The following FGD4 variants were observed in gnomAD, a reference collection of about 807,000 sequenced individuals.
FGD4 encodes FYVE, RhoGEF and PH domain containing 4, also known as FYVE, RhoGEF and PH domain-containing protein 4.
In FGD4, 42 loss-of-function variants were observed where a neutral mutation model predicts 102.0. That is an observed-to-expected ratio of 0.41 (90% CI 0.32 to 0.53). The LOEUF (loss-of-function observed/expected upper bound fraction) is 0.53, where lower values mean the gene tolerates loss of function less well. Ranked by LOEUF, FGD4 falls within the 20% of genes least tolerant of loss-of-function variation. FGD4 has a pLI of 0.21. For synonymous variants in FGD4, 380 were observed against 375.7 expected, an observed-to-expected ratio of 1.01 and a Z score of -0.13; for missense variants, 902 against 1,078.2, an observed-to-expected ratio of 0.84 and a Z score of 2.29.
intron 15 of FGD4, among the ~76,000 whole-genome samples, chr12:32,636,618 G>A (rs7966020): frequency 0.49 from 74,495 of 151,452 alleles, 18,998 homozygotes; most frequent in Middle Eastern, 0.63. Flanking sequence ...AAAATACACT[G>A]TAATGCACTT....
At chr12:32,492,783 A>AT (rs200878678) in intron 1 of FGD4, among the ~76,000 whole-genome samples, 81 of 151,174 alleles carry the variant, frequency 5.4e-4, no homozygotes, top group African/African-American at 1.1e-3. Context: ...TATTTCTCTT[A>AT]TTTTTTTTTG....
intron 1 of FGD4, among the ~76,000 whole-genome samples, chr12:32,529,101 G>A (rs973366356): frequency 1.3e-5 from 2 of 152,130 alleles, no homozygotes; most frequent in Non-Finnish European, 2.9e-5. Context: ...CCTCGGAGAC[G>A]TGCAAAATGG....
chr12:32,629,497 T>A (rs894481470), intron 14 of FGD4, among the ~76,000 whole-genome samples: 1 of 152,226 alleles, frequency 6.6e-6, no homozygotes, highest in African/African-American at 2.4e-5. Flanking sequence ...AATTCAGAAA[T>A]GGACTCATAG....
chr12:32,549,443 C>T (rs550888448), intron 1 of FGD4, among the ~76,000 whole-genome samples: 4 of 152,054 alleles, frequency 2.6e-5, no homozygotes, highest in African/African-American at 4.8e-5. Flanking sequence ...TCCTTCCATC[C>T]GAATCACTTG....
chr12:32,601,599 C>T (rs902427149), intron 6 of FGD4, among the ~76,000 whole-genome samples, 176 bp downstream of exon 6: 1 of 152,228 alleles, frequency 6.6e-6, no homozygotes, highest in Non-Finnish European at 1.5e-5. Flanking sequence ...GCTCTCCAAA[C>T]TATCATTTAG....
intron 15 of FGD4, 136 bp downstream of exon 15, chr12:32,633,825 A>G: frequency 2.6e-6 from 2 of 767,006 alleles, no homozygotes; most frequent in Non-Finnish European, 4.0e-6. Context: ...CTGGAATTAC[A>G]GGCCCACGCC....
intron 1 of FGD4, among the ~76,000 whole-genome samples, chr12:32,518,491 CA>C (rs1366912583): frequency 6.6e-6 from 1 of 152,114 alleles, no homozygotes; most frequent in Non-Finnish European, 1.5e-5. Flanking sequence ...AAAACAACAA[CA>C]AAAAACCAGC....
chr12:32,456,906 T>C (rs886489696), intron 1 of FGD4, among the ~76,000 whole-genome samples: 1 of 152,190 alleles, frequency 6.6e-6, no homozygotes, highest in African/African-American at 2.4e-5. Flanking sequence ...AGGTCTTCAG[T>C]CAGCTAATGA....
At chr12:32,417,367 G>T (rs576538324) in intron 1 of FGD4, among the ~76,000 whole-genome samples, 1 of 151,162 alleles carries the variant, frequency 6.6e-6, no homozygotes, top group African/African-American at 2.4e-5. Flanking sequence ...TTTTTCTTCC[G>T]CATTTTAAAT....
chr12:32,417,808 G>A (rs1374417132), intron 1 of FGD4, among the ~76,000 whole-genome samples: 2 of 151,772 alleles, frequency 1.3e-5, no homozygotes, highest in Non-Finnish European at 2.9e-5. Context: ...CAGTCTCTTT[G>A]TTACATTTAT....
intron 1 of FGD4, among the ~76,000 whole-genome samples, chr12:32,446,261 T>C (rs1199164910): frequency 1.3e-5 from 2 of 152,208 alleles, no homozygotes; most frequent in Non-Finnish European, 2.9e-5. Flanking sequence ...TAATGTCTTT[T>C]TTTTAACCCC....
intron 1 of FGD4, chr12:32,486,109 C>T (rs1278039134): frequency 3.3e-6 from 5 of 1,527,140 alleles, no homozygotes; most frequent in Non-Finnish European, 4.4e-6. Flanking sequence ...CAGAAGATTG[C>T]TGGATGTTAT....
chr12:32,505,079 G>A (rs1424701838), intron 1 of FGD4, among the ~76,000 whole-genome samples: 1 of 152,164 alleles, frequency 6.6e-6, no homozygotes, highest in Non-Finnish European at 1.5e-5. Context: ...TGAGCTGTCT[G>A]AGATGATGGA....
intron 1 of FGD4, among the ~76,000 whole-genome samples, chr12:32,526,542 AGGCCACTC>A (rs1291465876): frequency 6.6e-6 from 1 of 152,202 alleles, no homozygotes; most frequent in African/African-American, 2.4e-5. Flanking sequence ...CTGACGAAAC[AGGCCACTC>A]GGTCCTACCA....
intron 1 of FGD4, among the ~76,000 whole-genome samples, chr12:32,456,169 T>C (rs1942944575): frequency 6.6e-6 from 1 of 152,170 alleles, no homozygotes; most frequent in Non-Finnish European, 1.5e-5. Flanking sequence ...ATATTATAGC[T>C]CTCCTATAGT....
intron 1 of FGD4, among the ~76,000 whole-genome samples, chr12:32,413,947 C>T (rs1437450318): frequency 1.3e-5 from 2 of 149,284 alleles, no homozygotes; most frequent in East Asian, 2.0e-4. Flanking sequence ...GATAGGGGAG[C>T]GAAGGTCAGA....
Position 32,633,532 on chromosome 12 carries a change from TTTC to T in FGD4, c.2173-14_2173-12del. ...CCTTTAAATATGATTACTGTTCATT[TTTC>T]TTTTAAATTTAAGGTGGTTTGTTGG... On this transcript the variant is annotated splice_polypyrimidine_tract_variant and intron_variant, in intron 14 of 16. Coordinates refer to ENST00000534526, the MANE Select transcript of FGD4 (RefSeq NM_001370298.3). 6.2e-7 allele frequency: 1 copy of T among 1,609,256 alleles called. No homozygotes were observed. Among genetic ancestry groups the T allele is most frequent in the Non-Finnish European group, 8.5e-7 (1 of 1,176,370 alleles).
chr12:32,528,926 A>T (rs1331443366), intron 1 of FGD4, among the ~76,000 whole-genome samples: 1 of 152,172 alleles, frequency 6.6e-6, no homozygotes, highest in Non-Finnish European at 1.5e-5. Context: ...ATAACTAAAG[A>T]GGTGATAGAA....
At chr12:32,443,758 C>T (rs1375517808) in intron 1 of FGD4, among the ~76,000 whole-genome samples, 25 of 149,812 alleles carry the variant, frequency 1.7e-4, no homozygotes, top group African/African-American at 5.4e-4. Context: ...ACTATGTTGC[C>T]CAGGTTGTCT....
Sources: allele counts gnomAD v4.1 joint callset (sites outside exome capture counted in the v4.1 genomes callset), GRCh38; gene constraint gnomAD v4.1.1; transcripts MANE v1.5; gene names NCBI Gene and HGNC (gene_info 2026-07-23, HGNC 2026-07-21).